The following BRINP3 variants were observed in gnomAD, a reference collection of about 807,000 sequenced individuals.
BRINP3 encodes BMP/retinoic acid inducible neural specific 3, also known as BMP/retinoic acid-inducible neural-specific protein 3.
A neutral mutation model predicts 71.0 loss-of-function variants in BRINP3; 19 were observed. The observed-to-expected ratio is 0.27, with a 90% CI of 0.19 to 0.39. The LOEUF is 0.39. Among genes scored for constraint, BRINP3 ranks in the 10% least tolerant of loss-of-function variants. BRINP3 has a pLI of 1.00. For synonymous variants in BRINP3, 380 were observed against 337.7 expected (o/e 1.13, Z -1.37); for missense variants, 959 against 940.8 (o/e 1.02, Z -0.25).
intron 2 of BRINP3, among the ~76,000 whole-genome samples, chr1:190,303,934 A>T (rs1018215669): frequency 2.0e-5 from 3 of 151,620 alleles, no homozygotes; most frequent in Non-Finnish European, 4.4e-5. Flanking sequence ...ATCATAAATA[A>T]TTTATTTTTT....
At chr1:190,244,399 T>C (rs1411583086) in intron 4 of BRINP3, among the ~76,000 whole-genome samples, 2 of 152,104 alleles carry the variant, frequency 1.3e-5, no homozygotes, top group Admixed American at 1.3e-4. Context: ...CGATTGATAC[T>C]CACCTAGCAT....
intron 2 of BRINP3, among the ~76,000 whole-genome samples, chr1:190,339,675 C>T (rs1464703674): frequency 6.6e-6 from 1 of 151,826 alleles, no homozygotes; most frequent in Non-Finnish European, 1.5e-5. Flanking sequence ...TGCCAACCGC[C>T]TCCCGTACTA....
chr1:190,111,254 C>T (rs960385604), intron 7 of BRINP3, among the ~76,000 whole-genome samples: 1 of 149,916 alleles, frequency 6.7e-6, no homozygotes, highest in Non-Finnish European at 1.5e-5. Context: ...ACTTTGGACC[C>T]GATGGTAATC....
intron 6 of BRINP3, among the ~76,000 whole-genome samples, chr1:190,207,578 C>G (rs1655620142): frequency 6.6e-6 from 1 of 152,038 alleles, no homozygotes; most frequent in Non-Finnish European, 1.5e-5. Context: ...AGCCTCATGT[C>G]AGTTGCTATG....
chr1:190,249,206 A>G (rs1304196644), intron 4 of BRINP3, among the ~76,000 whole-genome samples: 2 of 151,782 alleles, frequency 1.3e-5, no homozygotes, highest in African/African-American at 4.8e-5. Flanking sequence ...TTAGTTCTCA[A>G]ATAAAAATCA....
intron 6 of BRINP3, among the ~76,000 whole-genome samples, chr1:190,192,693 A>G (rs1654144596): frequency 6.6e-6 from 1 of 151,756 alleles, no homozygotes; most frequent in African/African-American, 2.4e-5. Flanking sequence ...TGAAATTAGC[A>G]GTGTATTTTC....
chr1:190,435,500 T>G (rs1399196922), intron 2 of BRINP3, among the ~76,000 whole-genome samples: 1 of 151,970 alleles, frequency 6.6e-6, no homozygotes, highest in Non-Finnish European at 1.5e-5. Flanking sequence ...AGTGAACAAA[T>G]TAGGAAAATA....
chr1:190,246,354 G>A (rs1021429924), intron 4 of BRINP3, among the ~76,000 whole-genome samples: 1 of 151,730 alleles, frequency 6.6e-6, no homozygotes, highest in East Asian at 1.9e-4. Context: ...TGGCATCAAG[G>A]GTTTCTTAGA....
chr1:190,458,805 T>C, intron 1 of BRINP3, among the ~76,000 whole-genome samples: 1 of 151,946 alleles, frequency 6.6e-6, no homozygotes, highest in East Asian at 1.9e-4. Context: ...ACTTTTTCTA[T>C]AGTGTGGGGA....
At chr1:190,346,074 G>A (rs995215595) in intron 2 of BRINP3, among the ~76,000 whole-genome samples, 18 of 151,968 alleles carry the variant, frequency 1.2e-4, no homozygotes, top group African/African-American at 4.3e-4. Context: ...TTAAGAAAAT[G>A]TAGCATTTCT....
intron 2 of BRINP3, among the ~76,000 whole-genome samples, chr1:190,364,587 G>A (rs1035669241): frequency 6.6e-6 from 1 of 151,276 alleles, no homozygotes. Flanking sequence ...CAGTTATAAT[G>A]GTAAATTATA....
intron 1 of BRINP3, among the ~76,000 whole-genome samples, chr1:190,473,311 C>T (rs568423630): frequency 8.5e-4 from 129 of 152,114 alleles, no homozygotes; most frequent in African/African-American, 2.9e-3. Flanking sequence ...AAGAAAAGCA[C>T]TACAACTTTG....
At chr1:190,160,156 A>G (rs192152891) in intron 7 of BRINP3, among the ~76,000 whole-genome samples, 97 of 152,180 alleles carry the variant, frequency 6.4e-4, no homozygotes, top group African/African-American at 2.2e-3. Flanking sequence ...GACACAAATA[A>G]TTTAATTGTT....
chr1:190,214,900 T>C lies in BRINP3; in HGVS notation c.961+11182A>G, dbSNP rs1234830109. ...GAAGGACATTTATTGTCTAATGTAA[T>C]TGAAACTCTAGAGGCAAGGTAAACT... On this transcript the variant is annotated intron_variant, in intron 6 of 7. Transcript: ENST00000367462. Among the ~76,000 whole-genome samples the C allele has an allele frequency of 3.3e-5, 5 of 151,854 alleles. No homozygotes were observed. The East Asian group carries it at 7.8e-4, about 24-fold the overall frequency.
At chr1:190,242,206 G>T (rs1659167069) in intron 4 of BRINP3, among the ~76,000 whole-genome samples, 1 of 151,912 alleles carries the variant, frequency 6.6e-6, no homozygotes. Flanking sequence ...TTTCAAAATT[G>T]TTTTAGTATT....
intron 3 of BRINP3, among the ~76,000 whole-genome samples, chr1:190,267,991 A>G (rs1661802401): frequency 6.6e-6 from 1 of 152,146 alleles, no homozygotes. Flanking sequence ...TATACAATAT[A>G]TTTTACAATT....
intron 2 of BRINP3, among the ~76,000 whole-genome samples, chr1:190,332,565 G>A (rs1033070371): frequency 6.6e-6 from 1 of 151,994 alleles, no homozygotes; most frequent in Admixed American, 6.6e-5. Flanking sequence ...CGTGTCTACC[G>A]TTACAATGCC....
rs1419881146 is a variant in BRINP3, at chr1:190,307,720, C to T, written c.237-25970G>A. Among the ~76,000 whole-genome samples, 22 of 151,850 alleles carry T rather than the reference C, an allele frequency of 1.4e-4. No homozygotes were observed. In the Admixed American group the frequency reaches 1.5e-3, roughly 10 times the overall value. ...CCACCTCCCTCGAAAAAAAGAGCTT[C>T]CATATTAAGAAGTAACTTTCTTTTT... is the stretch of plus-strand genomic sequence containing the variant. On this transcript the variant is annotated intron_variant, in intron 2 of 7. Coordinates refer to ENST00000367462, the MANE Select transcript of BRINP3 (RefSeq NM_199051.3).
intron 2 of BRINP3, among the ~76,000 whole-genome samples, chr1:190,371,694 A>G (rs771325245): frequency 1.2e-4 from 18 of 152,150 alleles, no homozygotes; most frequent in Non-Finnish European, 2.1e-4. Context: ...AAGTTTTTCT[A>G]GTCCCTTGAG....
Sources: allele counts gnomAD v4.1 joint callset (sites outside exome capture counted in the v4.1 genomes callset), GRCh38; gene constraint gnomAD v4.1.1; transcripts MANE v1.5; gene names NCBI Gene and HGNC (gene_info 2026-07-23, HGNC 2026-07-21).